The following HMGCLL1 variants were observed in gnomAD, a reference collection of about 807,000 sequenced individuals.
HMGCLL1 encodes the protein 3-hydroxymethyl-3-methylglutaryl-CoA lyase, cytoplasmic.
A neutral mutation model predicts 39.1 loss-of-function variants in HMGCLL1; 36 were observed. The observed-to-expected ratio is 0.92, with a 90% CI of 0.71 to 1.22. The LOEUF (loss-of-function observed/expected upper bound fraction) is 1.22. Among genes scored for constraint, HMGCLL1 ranks in the 50% most tolerant of loss-of-function variants. The pLI is 0.00. For missense variants in HMGCLL1, 451 were observed against 416.5 expected (o/e 1.08, Z -0.72); for synonymous variants, 149 against 144.0 (o/e 1.03, Z -0.25).
chr6:55,601,201 G>A, the HMGCLL1 span, among the ~76,000 whole-genome samples: 1 of 152,132 alleles, frequency 6.6e-6, no homozygotes, highest in Non-Finnish European at 1.5e-5. Flanking sequence ...CAGGTCAATT[G>A]GATGGTGCTG....
intron 1 of HMGCLL1, chr6:55,563,794 G>A (rs1274915302): frequency 9.5e-6 from 9 of 951,864 alleles, no homozygotes; most frequent in Non-Finnish European, 1.3e-5. Flanking sequence ...AGTTTGAGAA[G>A]TTGTTAGGCT....
In HMGCLL1 at chr6:55,477,160, TTATAA is replaced by T. The variant is rs1482825992; in HGVS notation, c.795+18254_795+18258del. The stretch of plus-strand genomic sequence containing the variant: ...ATAGATATAATATATATATTATATA[TTATAA>T]TATAATATATATTATATTTATATAT... On this transcript the variant is annotated intron_variant, in intron 7 of 8. Coordinates refer to ENST00000274901, the MANE Select transcript of HMGCLL1 (RefSeq NM_001042406.2). Among the ~76,000 whole-genome samples, 6 of 52,320 alleles carry T rather than the reference TTATAA, an allele frequency of 1.1e-4. 1 individual carries two copies. The highest frequency in any genetic ancestry group is 6.5e-4 in the East Asian group (1 of 1,542). The allele number at this position is 52,320 out of a possible 152,430, so 34.3% of individuals were successfully genotyped here.
At chr6:55,672,268 T>C in the HMGCLL1 span, among the ~76,000 whole-genome samples, 1 of 151,884 alleles carries the variant, frequency 6.6e-6, no homozygotes, top group Non-Finnish European at 1.5e-5. Context: ...TACTGATTGC[T>C]TAAAATGTTG....
intron 1 of HMGCLL1, chr6:55,577,155 T>C (rs1771799691): frequency 6.3e-7 from 1 of 1,594,286 alleles, no homozygotes; most frequent in African/African-American, 1.4e-5. Context: ...TGAAGGTTTG[T>C]TAGAAGAGAA....
chr6:55,587,656 C>T, the HMGCLL1 span, among the ~76,000 whole-genome samples: 12 of 151,964 alleles, frequency 7.9e-5, no homozygotes, highest in African/African-American at 2.9e-4. Flanking sequence ...ATTCAGGAAA[C>T]CCATCTCACG....
chr6:55,539,173 T>C (rs1322842365), intron 3 of HMGCLL1, among the ~76,000 whole-genome samples: 3 of 152,078 alleles, frequency 2.0e-5, no homozygotes, highest in African/African-American at 7.2e-5. Context: ...AGTAATACAG[T>C]TAACACTAAG....
chr6:55,578,866 G>A, intron 1 of HMGCLL1, 82 bp downstream of exon 1: 3 of 981,616 alleles, frequency 3.1e-6, no homozygotes, highest in Middle Eastern at 2.0e-4. Flanking sequence ...AAAGGGAGGA[G>A]GGCACCAAGA....
intron 3 of HMGCLL1, among the ~76,000 whole-genome samples, chr6:55,527,765 A>T (rs756097826): frequency 1.1e-4 from 17 of 152,096 alleles, no homozygotes; most frequent in African/African-American, 1.7e-4. Flanking sequence ...TTTCACTGAT[A>T]AAAACTAAAG....
Position 55,550,055 on chromosome 6 carries a change from A to G in HMGCLL1, c.109-7915T>C, listed in dbSNP as rs1770237585. On this transcript the variant is annotated intron_variant, in intron 1 of 8. Coordinates refer to ENST00000274901, the MANE Select transcript of HMGCLL1 (RefSeq NM_001042406.2). ...CAGACACACAACAAAAATTCTCAGA[A>G]AACAACAATCTATGGTCCCTTATAC... is the stretch of plus-strand genomic sequence containing the variant. 2.0e-5 allele frequency among the ~76,000 whole-genome samples: 3 copies of G among 152,014 alleles called. No homozygotes were observed. In the South Asian group the frequency reaches 6.2e-4, roughly 31 times the overall value.
chr6:55,658,032 G>A, the HMGCLL1 span, among the ~76,000 whole-genome samples: 1 of 151,602 alleles, frequency 6.6e-6, no homozygotes, highest in Admixed American at 6.6e-5. Flanking sequence ...TATTTAACAA[G>A]CCTGCACTTA....
the HMGCLL1 span, among the ~76,000 whole-genome samples, chr6:55,626,593 A>G: frequency 6.6e-6 from 1 of 152,058 alleles, no homozygotes; most frequent in Admixed American, 6.6e-5. Flanking sequence ...GGGTCCGGGA[A>G]TCAAGGGGTG....
chr6:55,580,630 T>C (rs1771966371), upstream of HMGCLL1, among the ~76,000 whole-genome samples: 1 of 152,010 alleles, frequency 6.6e-6, no homozygotes, highest in Non-Finnish European at 1.5e-5. Flanking sequence ...TTAGCCAGGA[T>C]GGTCTCGATC....
intron 1 of HMGCLL1, chr6:55,576,979 C>T (rs1771788534): frequency 2.0e-6 from 3 of 1,486,112 alleles, no homozygotes; most frequent in Non-Finnish European, 1.8e-6. Flanking sequence ...GTCTAGAAAA[C>T]ACTGGTACAC....
chr6:55,591,455 C>T, the HMGCLL1 span, among the ~76,000 whole-genome samples: 1 of 151,920 alleles, frequency 6.6e-6, no homozygotes, highest in Non-Finnish European at 1.5e-5. Flanking sequence ...GGTGGGACTT[C>T]TCTTTTCGTA....
At chr6:55,526,509 A>G (rs1193363221) in intron 3 of HMGCLL1, among the ~76,000 whole-genome samples, 1 of 152,046 alleles carries the variant, frequency 6.6e-6, no homozygotes, top group African/African-American at 2.4e-5. Flanking sequence ...TGCATGAAAT[A>G]AGATTTAATA....
chr6:55,500,706 A>T (rs1207317792), intron 5 of HMGCLL1, among the ~76,000 whole-genome samples: 1 of 151,998 alleles, frequency 6.6e-6, no homozygotes, highest in African/African-American at 2.4e-5. Context: ...ATCTAAGTTT[A>T]TGCTTTAGAT....
At chr6:55,627,724 C>G in the HMGCLL1 span, among the ~76,000 whole-genome samples, 3 of 147,360 alleles carry the variant, frequency 2.0e-5, no homozygotes, top group Non-Finnish European at 4.4e-5. Flanking sequence ...GCCTCCCAGC[C>G]TACATCTTTC....
chr6:55,672,533 G>C, the HMGCLL1 span, among the ~76,000 whole-genome samples: 1 of 151,614 alleles, frequency 6.6e-6, no homozygotes, highest in Non-Finnish European at 1.5e-5. Flanking sequence ...CTCTTTCCTT[G>C]AAGACAGGAA....
chr6:55,567,120 A>G (rs1771255958), intron 1 of HMGCLL1, among the ~76,000 whole-genome samples: 1 of 152,138 alleles, frequency 6.6e-6, no homozygotes, highest in South Asian at 2.1e-4. Flanking sequence ...ATTTCATTCT[A>G]TTCAACCATA....
Sources: gnomAD v4.1 joint callset for allele counts (sites outside exome capture counted in the v4.1 genomes callset) on GRCh38, gnomAD v4.1.1 for gene constraint, MANE v1.5 for transcripts, NCBI Gene and HGNC (gene_info 2026-07-23, HGNC 2026-07-21) for gene names.